The following CMPK2 variants were observed in gnomAD, a reference collection of about 807,000 sequenced individuals.
CMPK2 encodes cytidine/uridine monophosphate kinase 2.
A neutral mutation model predicts 33.4 loss-of-function variants in CMPK2; 32 were observed. The ratio of observed to expected loss-of-function variants is 0.96; its 90% CI spans 0.72 to 1.29. CMPK2 has a LOEUF of 1.29. Among genes scored for constraint, CMPK2 ranks in the 50% most tolerant of loss-of-function variants. The pLI is 0.00. For synonymous variants in CMPK2, 299 were observed against 275.3 expected, an observed-to-expected ratio of 1.09 and a Z score of -0.85; for missense variants, 672 against 616.0, an observed-to-expected ratio of 1.09 and a Z score of -0.96.
At chr2:6,859,200 T>G (rs1221212042) in intron 3 of CMPK2, among the ~76,000 whole-genome samples, 1 of 152,176 alleles carries the variant, frequency 6.6e-6, no homozygotes, top group Non-Finnish European at 1.5e-5. Flanking sequence ...AGAGGTGACT[T>G]GGATGCTGTT....
chr2:6,852,105 T>C (rs1274793971), intron 3 of CMPK2, among the ~76,000 whole-genome samples: 4 of 152,328 alleles, frequency 2.6e-5, no homozygotes, highest in Admixed American at 6.5e-5. Flanking sequence ...GTTCCTACAC[T>C]GTTTTCACTT....
intron 3 of CMPK2, among the ~76,000 whole-genome samples, chr2:6,858,628 C>A (rs1662785031): frequency 3.9e-5 from 6 of 152,154 alleles, no homozygotes; most frequent in Admixed American, 3.9e-4. Flanking sequence ...GGGGAGTTTC[C>A]CTACACAAGC....
At chr2:6,848,280 T>C (rs1218081431), downstream of CMPK2, 1 of 905,174 alleles carries the variant, frequency 1.1e-6, no homozygotes, top group Admixed American at 6.2e-5. Context: ...AGAAAGCACT[T>C]TTCAGACAAA....
At position 6,851,635 on chromosome 2, in the gene CMPK2, C is replaced by T; in HGVS notation, c.1041G>A (p.Gly347=). 1 of 1,614,100 alleles carries T rather than the reference C, an allele frequency of 6.2e-7. No homozygotes were observed. Among genetic ancestry groups the T allele is most frequent in the Non-Finnish European group, 8.5e-7 (1 of 1,180,018 alleles). The part of the protein sequence containing the change: ...ATYAIATEVS[G]GLQHLPPAHH... The stretch of plus-strand genomic sequence containing the variant: ...GGGCTGGGGGCAGGTGCTGGAGACC[C>T]CCACTCACCTCAGTGGCTATGGCAT... Residue 347 remains glycine, a synonymous_variant, in exon 4 of 5, where the codon GGG becomes GGA. Coordinates refer to ENST00000256722, the MANE Select transcript of CMPK2 (RefSeq NM_207315.4).
At chr2:6,850,026 G>T in intron 4 of CMPK2, 53 bp from the exon 5 acceptor site, 2 of 1,361,896 alleles carry the variant, frequency 1.5e-6, no homozygotes, top group Non-Finnish European at 2.1e-6. Flanking sequence ...ACAGCTATTT[G>T]CATTAATGTT....
At position 6,855,189 on chromosome 2, in the gene CMPK2, G is replaced by A. The variant is rs145720412; in HGVS notation, c.993-3506C>T. Among the ~76,000 whole-genome samples the A allele has an allele frequency of 1.8e-3, 272 of 151,738 alleles. 2 individuals carry two copies. Among genetic ancestry groups the A allele is most frequent in the African/African-American group, 6.3e-3 (260 of 41,404 alleles). On this transcript the variant is annotated intron_variant, in intron 3 of 4. Transcript: ENST00000256722. Reference sequence around the variant, plus strand: ...CAACCTAATAATTCCCATTGTTGGAGATGAGGCCCTGTGGGAGTTGACTGG... The same window carrying A: ...CAACCTAATAATTCCCATTGTTGGAAATGAGGCCCTGTGGGAGTTGACTGG...
intron 3 of CMPK2, among the ~76,000 whole-genome samples, chr2:6,857,841 T>C (rs1431621875): frequency 6.6e-6 from 1 of 152,006 alleles, no homozygotes; most frequent in Non-Finnish European, 1.5e-5. Context: ...TTCACCGTGT[T>C]AGCCAGGATG....
At chr2:6,843,320 A>G (rs1662276641), downstream of CMPK2, among the ~76,000 whole-genome samples, 1 of 152,244 alleles carries the variant, frequency 6.6e-6, no homozygotes, top group Admixed American at 6.5e-5. Flanking sequence ...TTGGAATTAC[A>G]GCTTCATTAA....
In CMPK2 at chr2:6,849,811, A is replaced by T. The variant is rs956023637; in HGVS notation, c.*39T>A. 1 of 1,610,730 alleles carries T rather than the reference A, an allele frequency of 6.2e-7. No individual in the cohort carries two copies. The highest frequency in any genetic ancestry group is 8.5e-7 in the Non-Finnish European group (1 of 1,179,046). On this transcript the variant is annotated 3_prime_UTR_variant, in exon 5 of 5. Transcript: ENST00000256722. ...ATGGTGGATGTAGATGTTTCAAACA[A>T]CATCTAATCTAGTTAGACGTGGCAC...
At chr2:6,863,382 T>G in intron 2 of CMPK2, 82 bp downstream of exon 2, 1 of 1,189,170 alleles carries the variant, frequency 8.4e-7, no homozygotes, top group Admixed American at 1.8e-5. Flanking sequence ...CATATAAAGT[T>G]TGGTTTTGCA....
intron 2 of CMPK2, among the ~76,000 whole-genome samples, chr2:6,861,805 C>A (rs58022717): frequency 7.9e-4 from 120 of 152,376 alleles, no homozygotes; most frequent in African/African-American, 2.6e-3. Flanking sequence ...CCTGCTTCCA[C>A]TTCTGTGCAA....
rs1031478865 is a variant in CMPK2 at position 6,861,300 on chromosome 2, C to A, written c.876G>T (p.Arg292Ser). The change falls in exon 3 of 5, where the codon AGG becomes AGT. Residue 292 changes from arginine to serine, a missense_variant. Transcript: ENST00000256722. ...TAGTTGGTTCATCATCAAAGATCTT[C>A]CTCCACTGGCCAATGCAAGAGGGTG... ...KSPPSCIGQW[R>S]KIFDDEPTII... 2 of 1,613,948 alleles carry A rather than the reference C, an allele frequency of 1.2e-6. No homozygotes were observed. Among genetic ancestry groups the A allele is most frequent in the Non-Finnish European group, 1.7e-6 (2 of 1,179,966 alleles).
chr2:6,846,770 G>A (rs908934069), downstream of CMPK2, among the ~76,000 whole-genome samples: 1 of 152,144 alleles, frequency 6.6e-6, no homozygotes, highest in Non-Finnish European at 1.5e-5. Flanking sequence ...CTCTGTGAAA[G>A]CAAACTAGAC....
downstream of CMPK2, among the ~76,000 whole-genome samples, chr2:6,845,832 T>C (rs558354796): frequency 4.6e-5 from 7 of 152,338 alleles, no homozygotes; most frequent in African/African-American, 1.7e-4. Context: ...AATCCCATTG[T>C]AGTTGAATGC....
downstream of CMPK2, among the ~76,000 whole-genome samples, chr2:6,843,359 T>C (rs528531780): frequency 1.3e-5 from 2 of 152,200 alleles, no homozygotes; most frequent in African/African-American, 2.4e-5. Context: ...CTAGTATCCA[T>C]TCCCCACTGG....
At chr2:6,852,532 G>A (rs1375667080) in intron 3 of CMPK2, among the ~76,000 whole-genome samples, 1 of 152,038 alleles carries the variant, frequency 6.6e-6, no homozygotes, top group African/African-American at 2.4e-5. Flanking sequence ...AAACAGAATT[G>A]ACTGTTTTCT....
chr2:6,842,009 C>T (rs538700010), intron 3 of CMPK2, among the ~76,000 whole-genome samples: 2 of 152,284 alleles, frequency 1.3e-5, no homozygotes, highest in East Asian at 3.9e-4. Context: ...CTCATGACAG[C>T]AATTAACTCA....
rs1420694763 is a variant in CMPK2 at position 6,849,847 on chromosome 2, T to A, written c.*3A>T. On this transcript the variant is annotated 3_prime_UTR_variant, in exon 5 of 5. Coordinates refer to ENST00000256722, the MANE Select transcript of CMPK2 (RefSeq NM_207315.4). ...AGTTAGACGTGGCACCTGGCCAGAG[T>A]AACTACGGTTCACTAAAACTATTCT... 6.8e-6 allele frequency: 11 copies of A among 1,613,634 alleles called. No individual in the cohort carries two copies. In the African/African-American group the frequency reaches 8.0e-5, roughly 12 times the overall value.
At chr2:6,844,121 C>T (rs1322643990), downstream of CMPK2, among the ~76,000 whole-genome samples, 1 of 152,148 alleles carries the variant, frequency 6.6e-6, no homozygotes. Context: ...CTTTTAAGTG[C>T]CCCAGTTTGC....
Sources: allele counts gnomAD v4.1 joint callset (sites outside exome capture counted in the v4.1 genomes callset), GRCh38; gene constraint gnomAD v4.1.1; transcripts MANE v1.5; gene names NCBI Gene and HGNC (gene_info 2026-07-23, HGNC 2026-07-21).